Variants in KIAA0753 observed in about 807,000 individuals in gnomAD.
KIAA0753 encodes the protein KIAA0753, also known as protein moonraker.
KIAA0753 carries 114 observed loss-of-function variants against 116.9 expected under a neutral mutation model. The ratio of observed to expected loss-of-function variants is 0.98; its 90% CI spans 0.84 to 1.14. The LOEUF (loss-of-function observed/expected upper bound fraction) is 1.14. Ranked by LOEUF, KIAA0753 falls within the 50% of genes most tolerant of loss-of-function variation. The pLI, the probability that KIAA0753 is intolerant of heterozygous loss-of-function variation, is 0.00. For missense variants in KIAA0753, 1,156 were observed against 1,172.4 expected, an observed-to-expected ratio of 0.99 and a Z score of 0.20; for synonymous variants, 405 against 413.1, an observed-to-expected ratio of 0.98 and a Z score of 0.24.
chr17:6,596,017 C>T (rs1969448710), intron 15 of KIAA0753, 141 bp downstream of exon 15: 1 of 781,734 alleles, frequency 1.3e-6, no homozygotes, highest in Admixed American at 2.3e-5. Context: ...CAAGGTCATA[C>T]AGTTAGTTGG....
At chr17:6,584,646 G>A (rs575672395) in intron 18 of KIAA0753, among the ~76,000 whole-genome samples, 4 of 152,120 alleles carry the variant, frequency 2.6e-5, no homozygotes, top group African/African-American at 9.6e-5. Context: ...CTCTAATCTG[G>A]ATTAGTTCTT....
intron 6 of KIAA0753, among the ~76,000 whole-genome samples, chr17:6,621,506 C>T (rs143885078): frequency 6.6e-6 from 1 of 152,280 alleles, no homozygotes; most frequent in East Asian, 1.9e-4. Flanking sequence ...CCATCCATTA[C>T]TGGGAAGTCA....
At chr17:6,631,096 G>C (rs1298718968) in intron 2 of KIAA0753, among the ~76,000 whole-genome samples, 1 of 151,940 alleles carries the variant, frequency 6.6e-6, no homozygotes, top group Non-Finnish European at 1.5e-5. Context: ...AGAAAGAAAT[G>C]AATGAATGAA....
At chr17:6,598,344 C>G (rs2078067373) in intron 14 of KIAA0753, among the ~76,000 whole-genome samples, 1 of 152,202 alleles carries the variant, frequency 6.6e-6, no homozygotes, top group Admixed American at 6.5e-5. Context: ...CACCTCACAT[C>G]AGATTATGTC....
At position 6,620,943 on chromosome 17, in the gene KIAA0753, A is replaced by C. The variant is rs752565433; in HGVS notation, c.1160T>G (p.Phe387Cys). The C allele has an allele frequency of 1.2e-6, 2 of 1,614,014 alleles. No homozygotes were observed. The highest frequency in any genetic ancestry group is 2.7e-5 in the African/African-American group (2 of 74,948). ...KLSPKKVKKC[F>C]SEIRSRFPIG... ...AGGAAATCTGCTCCGAATTTCACTG[A>C]AACATTTTTTCACCTTTTTTGGTGA... Residue 387 changes from phenylalanine to cysteine, a missense_variant, in exon 7 of 19, where the codon TTC becomes TGC. Physicochemically the swap from Phe to Cys is radical, Grantham distance 205. Transcript: ENST00000361413.
chr17:6,596,687 C>T (rs978402753), intron 14 of KIAA0753, among the ~76,000 whole-genome samples: 3 of 152,186 alleles, frequency 2.0e-5, no homozygotes, highest in South Asian at 2.1e-4. Flanking sequence ...ATATTTTACA[C>T]GTCACACATT....
chr17:6,594,699 C>G (rs996245961), intron 16 of KIAA0753, among the ~76,000 whole-genome samples: 1 of 151,962 alleles, frequency 6.6e-6, no homozygotes, highest in Admixed American at 6.6e-5. Flanking sequence ...AAAAAAAGAG[C>G]CATAAGTAAA....
chr17:6,612,802 A>C (rs2150843580), intron 7 of KIAA0753, among the ~76,000 whole-genome samples: 1 of 152,346 alleles, frequency 6.6e-6, no homozygotes, highest in Non-Finnish European at 1.5e-5. Flanking sequence ...CAGGAGACAG[A>C]GGTTGCAGTG....
intron 1 of KIAA0753, chr17:6,636,388 T>A (rs1052006245): frequency 6.6e-6 from 1 of 152,100 alleles, no homozygotes; most frequent in Non-Finnish European, 1.5e-5. Flanking sequence ...CACTTTTAAA[T>A]GGTCAGTACT....
At chr17:6,633,429 T>C (rs1169134566) in intron 2 of KIAA0753, among the ~76,000 whole-genome samples, 1 of 152,200 alleles carries the variant, frequency 6.6e-6, no homozygotes, top group Admixed American at 6.5e-5. Context: ...CTCTCATACA[T>C]TGTCAGCAGG....
At chr17:6,587,668 G>T (rs796323377) in intron 18 of KIAA0753, among the ~76,000 whole-genome samples, 11 of 152,272 alleles carry the variant, frequency 7.2e-5, no homozygotes, top group African/African-American at 2.6e-4. Context: ...AGACAAATTT[G>T]TGTCTCTACC....
At position 6,606,055 on chromosome 17, in the gene KIAA0753, T is replaced by C. The variant is rs538324288; in HGVS notation, c.2009+818A>G. Reference sequence around the variant, plus strand: ...GTATTCCCTCTGACAGTAGTGACTATCCCATCACAGAGGGTGTGTGTAAAT... The same window carrying C: ...GTATTCCCTCTGACAGTAGTGACTACCCCATCACAGAGGGTGTGTGTAAAT... On this transcript the variant is annotated intron_variant, in intron 12 of 18. Transcript: ENST00000361413. Among the ~76,000 whole-genome samples, 9 of 152,262 alleles carry C rather than the reference T, an allele frequency of 5.9e-5. No individual in the cohort carries two copies. The South Asian group carries it at 1.7e-3, about 28-fold the overall frequency.
chr17:6,634,967 T>C (rs759153051), intron 2 of KIAA0753, 44 bp downstream of exon 2: 9 of 1,262,360 alleles, frequency 7.1e-6, no homozygotes, highest in African/African-American at 1.5e-5. Flanking sequence ...AATTTTATGT[T>C]TGAAATATTT....
chr17:6,635,002 T>G lies in KIAA0753; in HGVS notation c.93+9A>C, dbSNP rs758565131. On this transcript the variant is annotated intron_variant, in intron 2 of 18. Transcript: ENST00000361413. Reference sequence around the variant, plus strand: ...TAATAATAAAAATCTCAGGCAAAAATAGAACTACCTGGGTCTGAAGTACTT... The same window carrying G: ...TAATAATAAAAATCTCAGGCAAAAAGAGAACTACCTGGGTCTGAAGTACTT... 2 of 1,545,212 alleles carry G rather than the reference T, an allele frequency of 1.3e-6. No individual in the cohort carries two copies. The highest frequency in any genetic ancestry group is 2.2e-5 in the South Asian group (2 of 89,388).
chr17:6,608,613 A>T (rs913397220), intron 9 of KIAA0753, 149 bp from the exon 10 acceptor site: 8 of 445,664 alleles, frequency 1.8e-5, no homozygotes, highest in African/African-American at 1.2e-4. Context: ...AATGTGAAGA[A>T]AAGTGAGATC....
rs186109733 is a variant in KIAA0753, at chr17:6,633,656, C to T, written c.93+1355G>A. 1.1e-4 allele frequency among the ~76,000 whole-genome samples: 17 copies of T among 151,778 alleles called. No individual in the cohort carries two copies. In the East Asian group the frequency reaches 2.5e-3, roughly 22 times the overall value. ...GCCCAGGTGTCCATTAATTGGAGAA[C>T]GGATAAACAAACTGTGGTATACTCA... On this transcript the variant is annotated intron_variant, in intron 2 of 18. Transcript: ENST00000361413.
At chr17:6,624,683 A>T in intron 4 of KIAA0753, 72 bp downstream of exon 4, 1 of 1,007,518 alleles carries the variant, frequency 9.9e-7, no homozygotes, top group Non-Finnish European at 1.5e-6. Flanking sequence ...CTGAGACAAA[A>T]GGAAAACAGA....
chr17:6,636,320 C>G (rs543625517), intron 1 of KIAA0753: 4 of 152,302 alleles, frequency 2.6e-5, no homozygotes, highest in African/African-American at 9.6e-5. Context: ...GACGTTGGCA[C>G]AGGTGGGTGG....
chr17:6,626,365 G>A (rs553599429), intron 3 of KIAA0753, among the ~76,000 whole-genome samples: 1 of 152,322 alleles, frequency 6.6e-6, no homozygotes, highest in South Asian at 2.1e-4. Flanking sequence ...AATGCAAAGA[G>A]TATAAGGCTG....
Sources: allele counts gnomAD v4.1 joint callset (sites outside exome capture counted in the v4.1 genomes callset), GRCh38; gene constraint gnomAD v4.1.1; transcripts MANE v1.5; gene names NCBI Gene and HGNC (gene_info 2026-07-23, HGNC 2026-07-21).